CASP6: variants seen among roughly 807,000 people sequenced by gnomAD.
The protein encoded by CASP6 is caspase-6.
CASP6 carries 20 observed loss-of-function variants against 31.8 expected under a neutral mutation model. The ratio of observed to expected loss-of-function variants is 0.63; its 90% CI spans 0.44 to 0.91. The LOEUF is 0.91. Among genes scored for constraint, CASP6 ranks in the 40% least tolerant of loss-of-function variants. The probability of loss-of-function intolerance (pLI) is 0.00; values close to 1 mark genes in which losing one functional copy is unlikely to be tolerated. For missense variants in CASP6, 328 were observed against 361.1 expected (o/e 0.91, Z 0.74); for synonymous variants, 130 against 127.8 (o/e 1.02, Z -0.12).
At chr4:109,705,177 C>T (rs934137073), upstream of CASP6, among the ~76,000 whole-genome samples, 4 of 152,160 alleles carry the variant, frequency 2.6e-5, no homozygotes, top group Non-Finnish European at 4.4e-5. Context: ...CATTCCTTTA[C>T]CATTCTGAAA....
chr4:109,703,160 G>C (rs1402785377), intron 1 of CASP6, among the ~76,000 whole-genome samples, 196 bp downstream of exon 1: 2 of 152,152 alleles, frequency 1.3e-5, no homozygotes, highest in African/African-American at 2.4e-5. Context: ...GTGTTTCTTA[G>C]ACTGAAGCGC....
chr4:109,705,149 T>C (rs1028064628), upstream of CASP6, among the ~76,000 whole-genome samples: 1 of 152,240 alleles, frequency 6.6e-6, no homozygotes, highest in Non-Finnish European at 1.5e-5. Flanking sequence ...CTAATACAAC[T>C]GATGACTTTA....
the CASP6 span, among the ~76,000 whole-genome samples, chr4:109,668,630 C>T: frequency 1.3e-5 from 2 of 151,568 alleles, no homozygotes; most frequent in African/African-American, 4.8e-5. Context: ...AGGCCATTGA[C>T]ATTCAAATTG....
chr4:109,707,376 G>A (rs1302144887), upstream of CASP6, among the ~76,000 whole-genome samples: 5 of 150,514 alleles, frequency 3.3e-5, no homozygotes, highest in Non-Finnish European at 7.4e-5. Context: ...TAAACTGGAG[G>A]TAACTCCTGG....
In CASP6 at chr4:109,697,636, G is replaced by T. The variant is rs142810685; in HGVS notation, c.216C>A (p.Asp72Glu). The change falls in exon 3 of 7, where the codon GAC becomes GAA. Residue 72 changes from aspartate (D) to glutamate (E), a missense_variant. By Grantham distance (45) the Asp-to-Glu change is conservative. Coordinates refer to ENST00000265164, the MANE Select transcript of CASP6 (RefSeq NM_001226.4). The part of the protein sequence containing the change: ...PERRGTCADR[D>E]NLTRRFSDLG... ...AAAACTACTACCTGCGGGTAAGATT[G>T]TCTCTATCTGCGCAGGTGCCCCGCC... 1 of 1,608,996 alleles carries T rather than the reference G, an allele frequency of 6.2e-7. No homozygotes were observed. The highest frequency in any genetic ancestry group is 1.7e-5 in the Admixed American group (1 of 58,686).
At chr4:109,706,131 T>TTA (rs58847180), upstream of CASP6, among the ~76,000 whole-genome samples, 1,757 of 35,858 alleles carry the variant, frequency 0.049, 31 homozygotes, top group Non-Finnish European at 0.061. Context: ...CCTATCCATT[T>TTA]TATATATATA....
chr4:109,709,271 G>A, the CASP6 span, among the ~76,000 whole-genome samples: 10 of 152,128 alleles, frequency 6.6e-5, no homozygotes, highest in Non-Finnish European at 8.8e-5. Context: ...CTGGGGGTGG[G>A]GTCCAGCAGT....
chr4:109,689,697 A>T lies in CASP6; in HGVS notation c.644-129T>A. On this transcript the variant is annotated intron_variant, in intron 6 of 6. Coordinates refer to ENST00000265164, the MANE Select transcript of CASP6 (RefSeq NM_001226.4). The stretch of plus-strand genomic sequence containing the variant: ...GAGTCTTAAGATGTGTCCATGATAT[A>T]AATGGCTTTTAAATTTTTTTGACTC... 3.7e-6 allele frequency: 3 copies of T among 802,502 alleles called. No individual in the cohort carries two copies. In the East Asian group the frequency reaches 7.6e-5, roughly 20 times the overall value. 49.7% of individuals were successfully genotyped at this position (802,502 alleles called of 1,614,324 possible).
At chr4:109,681,526 G>C in the CASP6 span, 1 of 440,088 alleles carries the variant, frequency 2.3e-6, no homozygotes, top group South Asian at 1.6e-5. Context: ...CTCTGACCTG[G>C]GGTTCTTGGC....
the CASP6 span, among the ~76,000 whole-genome samples, chr4:109,668,633 T>C: frequency 6.6e-6 from 1 of 152,052 alleles, no homozygotes; most frequent in Non-Finnish European, 1.5e-5. Flanking sequence ...CCATTGACAT[T>C]CAAATTGATT....
At chr4:109,664,413 C>A in the CASP6 span, 2 of 902,848 alleles carry the variant, frequency 2.2e-6, no homozygotes, top group Non-Finnish European at 3.4e-6. Flanking sequence ...CACAGCTATC[C>A]AACTATTACT....
At chr4:109,668,895 G>A in the CASP6 span, among the ~76,000 whole-genome samples, 4 of 151,680 alleles carry the variant, frequency 2.6e-5, no homozygotes, top group East Asian at 3.9e-4. Context: ...ATTGCTTCAC[G>A]GCTAGTGCAA....
chr4:109,699,805 T>C (rs1032200592), intron 1 of CASP6, among the ~76,000 whole-genome samples: 2 of 152,240 alleles, frequency 1.3e-5, no homozygotes, highest in Admixed American at 6.5e-5. Context: ...CACTGCTCTA[T>C]GAAGACAGCA....
chr4:109,702,775 C>T (rs1450568093), intron 1 of CASP6: 1 of 152,552 alleles, frequency 6.6e-6, no homozygotes, highest in Non-Finnish European at 1.5e-5. Context: ...CAGACAGCAG[C>T]AGGTTTCCTG....
At chr4:109,674,070 T>C in the CASP6 span, 5 of 1,428,598 alleles carry the variant, frequency 3.5e-6, no homozygotes, top group East Asian at 6.8e-5. Flanking sequence ...GAGCAATGAC[T>C]GTTGGTATGG....
chr4:109,707,784 T>C (rs1730649694), upstream of CASP6, among the ~76,000 whole-genome samples: 2 of 152,174 alleles, frequency 1.3e-5, no homozygotes, highest in Admixed American at 1.3e-4. Context: ...ATAATGGTGT[T>C]TCCTGGGGAG....
the CASP6 span, among the ~76,000 whole-genome samples, chr4:109,665,096 C>T: frequency 1.3e-5 from 2 of 152,300 alleles, no homozygotes; most frequent in South Asian, 4.1e-4. Context: ...TTGGTGAACA[C>T]ACTGACACAT....
rs2126159775 is a variant in CASP6 at position 109,697,762 on chromosome 4, C to T, written c.90G>A (p.Met30Ile). The T allele has an allele frequency of 6.2e-7, 1 of 1,612,548 alleles. No homozygotes were observed. The highest frequency in any genetic ancestry group is 1.3e-5 in the African/African-American group (1 of 74,964). Residue 30 changes from methionine (M) to isoleucine (I), a missense_variant, in exon 3 of 7, where the codon ATG (methionine) becomes ATA (isoleucine). Coordinates refer to ENST00000265164, the MANE Select transcript of CASP6 (RefSeq NM_001226.4). ...TETDAFYKRE[M>I]FDPAEKYKMD... Reference sequence around the variant, plus strand: ...TTTTGTACTTTTCTGCCGGATCAAACATTTCTCTGTTAATGAAAAGTTGAA... The same window carrying T: ...TTTTGTACTTTTCTGCCGGATCAAATATTTCTCTGTTAATGAAAAGTTGAA...
At chr4:109,667,948 T>C in the CASP6 span, among the ~76,000 whole-genome samples, 1 of 152,048 alleles carries the variant, frequency 6.6e-6, no homozygotes, top group Non-Finnish European at 1.5e-5. Flanking sequence ...TTTTGGGATT[T>C]TCCAGCTATC....
Sources: allele counts gnomAD v4.1 joint callset (sites outside exome capture counted in the v4.1 genomes callset), GRCh38; gene constraint gnomAD v4.1.1; transcripts MANE v1.5; gene names NCBI Gene and HGNC (gene_info 2026-07-23, HGNC 2026-07-21).